Variants in USP34 observed in about 807,000 individuals in gnomAD.
USP34 encodes ubiquitin carboxyl-terminal hydrolase 34.
USP34 carries 70 observed loss-of-function variants against 460.3 expected under a neutral mutation model. The observed-to-expected ratio is 0.15, with a 90% CI of 0.13 to 0.19. USP34 has a LOEUF of 0.19. Among genes scored for constraint, USP34 ranks in the 10% least tolerant of loss-of-function variants. USP34 has a pLI of 1.00. For synonymous variants in USP34, 1,647 were observed against 1,405.3 expected (o/e 1.17, Z -3.85); for missense variants, 3,985 against 4,236.2 (o/e 0.94, Z 1.65).
At chr2:61,222,190 T>C (rs1687606803) in intron 65 of USP34, among the ~76,000 whole-genome samples, 1 of 152,216 alleles carries the variant, frequency 6.6e-6, no homozygotes, top group Non-Finnish European at 1.5e-5. Context: ...TGAGGGGTAA[T>C]TTATAGTAAT....
At chr2:61,210,704 A>G (rs1331830190) in intron 69 of USP34, among the ~76,000 whole-genome samples, 2 of 152,152 alleles carry the variant, frequency 1.3e-5, no homozygotes, top group South Asian at 4.1e-4. Flanking sequence ...AAGAAGAGTT[A>G]AGAAAGCTCC....
At chr2:61,437,817 A>C (rs571165593) in intron 1 of USP34, among the ~76,000 whole-genome samples, 1 of 149,782 alleles carries the variant, frequency 6.7e-6, no homozygotes, top group Non-Finnish European at 1.5e-5. Flanking sequence ...AAATAAATAA[A>C]AAACCTGAAC....
rs867813857 is a variant in USP34 at position 61,301,164 on chromosome 2, T to C, written c.3919-4A>G. Reference sequence around the variant, plus strand: ...CACCCAAAGATACAAATACCATCTATAAAAAACAGGAAAAAAAATTTATGC... The same window carrying C: ...CACCCAAAGATACAAATACCATCTACAAAAAACAGGAAAAAAAATTTATGC... On this transcript the variant is annotated splice_polypyrimidine_tract_variant and splice_region_variant and intron_variant, in intron 28 of 79. Coordinates refer to ENST00000398571, the MANE Select transcript of USP34 (RefSeq NM_014709.4). The C allele has an allele frequency of 6.3e-7, 1 of 1,581,554 alleles. No homozygotes were observed.
chr2:61,230,937 CTT>C (rs1215587688), intron 58 of USP34, among the ~76,000 whole-genome samples: 1 of 151,394 alleles, frequency 6.6e-6, no homozygotes, highest in Non-Finnish European at 1.5e-5. Flanking sequence ...CAAACAAAAA[CTT>C]GTACTAAAAG....
chr2:61,406,388 G>A (rs1431910100), intron 2 of USP34, among the ~76,000 whole-genome samples: 2 of 151,962 alleles, frequency 1.3e-5, no homozygotes, highest in Admixed American at 6.6e-5. Context: ...TCTACACATG[G>A]AACTATTTAA....
intron 48 of USP34, 105 bp from the exon 49 acceptor site, chr2:61,248,788 G>T: frequency 9.0e-7 from 1 of 1,109,740 alleles, no homozygotes; most frequent in African/African-American, 1.6e-5. Context: ...TCAGAGTTAA[G>T]AAGTATAGTA....
chr2:61,379,352 CTACTAAAAA>C (rs1692903725), intron 7 of USP34, among the ~76,000 whole-genome samples: 2 of 152,122 alleles, frequency 1.3e-5, no homozygotes, highest in African/African-American at 2.4e-5. Context: ...AAACCCATCT[CTACTAAAAA>C]TGCAAAAAAT....
At position 61,405,884 on chromosome 2, in the gene USP34, A is replaced by G; in HGVS notation, c.376T>C (p.Ser126Pro). The G allele has an allele frequency of 6.2e-7, 1 of 1,613,264 alleles. No individual in the cohort carries two copies. Among genetic ancestry groups the G allele is most frequent in the East Asian group, 2.2e-5 (1 of 44,806 alleles). Residue 126 changes from serine to proline, a missense_variant, in exon 3 of 80, where the codon TCA becomes CCA. This residue lies in a region of USP34 where 331 missense variants were observed against 293.7 expected (regional missense o/e 1.13). Transcript: ENST00000398571. The part of the protein sequence containing the change: ...TERQKSIEKK[S>P]NSTRICNLTE... ...AGATTACAAATTCTTGTAGAGTTTGATTTTTTTTCTATTGATTTTTGTCTT... is the reference window on the plus strand; with the variant it reads ...AGATTACAAATTCTTGTAGAGTTTGGTTTTTTTTCTATTGATTTTTGTCTT...
At chr2:61,314,554 C>T (rs1055673959) in intron 25 of USP34, 31 bp downstream of exon 25, 6 of 1,427,382 alleles carry the variant, frequency 4.2e-6, no homozygotes, top group African/African-American at 2.9e-5. Context: ...AAATGAAATT[C>T]ATTCTAACAG....
At chr2:61,221,054 C>T (rs997332672) in intron 66 of USP34, among the ~76,000 whole-genome samples, 4 of 152,186 alleles carry the variant, frequency 2.6e-5, no homozygotes, top group Non-Finnish European at 5.9e-5. Context: ...CTGTATGCCA[C>T]ACAAAGTCTA....
chr2:61,228,690 T>C lies in USP34; in HGVS notation c.7398A>G (p.Ile2466Met). The C allele has an allele frequency of 6.2e-7, 1 of 1,611,886 alleles. No homozygotes were observed. The highest frequency in any genetic ancestry group is 8.5e-7 in the Non-Finnish European group (1 of 1,179,272). ...ESQFLLSLQA[I>M]STMVHFYMGT... ...CCATGTAAAAATGTACCATTGTAGATATAGCTTGCAATGAAAGCAAAAATT... is the reference window on the plus strand; with the variant it reads ...CCATGTAAAAATGTACCATTGTAGACATAGCTTGCAATGAAAGCAAAAATT... Residue 2466 changes from isoleucine to methionine, a missense_variant, in exon 61 of 80, where the codon ATA becomes ATG. By Grantham distance (10) the Ile-to-Met change is conservative (BLOSUM62 1). Transcript: ENST00000398571.
At chr2:61,216,887 C>T (rs1558471185) in intron 67 of USP34, among the ~76,000 whole-genome samples, 1 of 150,468 alleles carries the variant, frequency 6.6e-6, no homozygotes, top group Non-Finnish European at 1.5e-5. Context: ...CACTACATCC[C>T]AGCCTGGGCG....
intron 5 of USP34, among the ~76,000 whole-genome samples, chr2:61,388,749 C>T (rs1260700932): frequency 7.2e-6 from 1 of 139,096 alleles, no homozygotes; most frequent in African/African-American, 2.8e-5. Flanking sequence ...GAGCAAGACT[C>T]CATCTCAGAA....
At position 61,204,169 on chromosome 2, in the gene USP34, A is replaced by G. The variant is rs547107078; in HGVS notation, c.9384+87T>C. 4 of 1,566,896 alleles carry G rather than the reference A, an allele frequency of 2.6e-6. No homozygotes were observed. The South Asian group carries it at 4.7e-5, about 18-fold the overall frequency. On this transcript the variant is annotated intron_variant, in intron 74 of 79. Transcript: ENST00000398571. The stretch of plus-strand genomic sequence containing the variant: ...TAGGATCCACAAAATTGGTCACTTA[A>G]GTCTAACCTATTCATAACTGCCAGG...
In USP34 at chr2:61,350,561, G is replaced by C. The variant is rs201388507; in HGVS notation, c.1377+7C>G. On this transcript the variant is annotated splice_region_variant and intron_variant, in intron 11 of 79. Transcript: ENST00000398571. ...AAAAAAAAACTATCATGTTTTGAAT[G>C]TATTACCTGTTCAGTATGAACACTT... 4 of 1,597,768 alleles carry C rather than the reference G, an allele frequency of 2.5e-6. No individual in the cohort carries two copies. In the African/African-American group the frequency reaches 4.1e-5, roughly 16 times the overall value.
rs577314106 is a variant in USP34, at chr2:61,193,365, T to TAAAAAAAAAA, written c.9509-395_9509-386dup. ...ACTGCAGGAGGGAGGAGGGGAAAGG[T>TAAAAAAAAAA]AAAAAAAAAAAAAAAAAAAAAAAAG... On this transcript the variant is annotated intron_variant, in intron 75 of 79. Coordinates refer to ENST00000398571, the MANE Select transcript of USP34 (RefSeq NM_014709.4). The TAAAAAAAAAA allele has an allele frequency of 2.5e-4, 24 of 97,240 alleles. 1 individual carries two copies. The highest frequency in any genetic ancestry group is 8.6e-4 in the African/African-American group (23 of 26,688). The allele number at this position is 97,240 out of a possible 1,614,324, so 6.0% of individuals were successfully genotyped here. A position where few individuals can be genotyped will look rare whatever the true frequency, so the allele number is the denominator to read the frequency against.
chr2:61,417,055 T>C (rs1435087228), intron 2 of USP34: 22 of 1,342,220 alleles, frequency 1.6e-5, no homozygotes, highest in Middle Eastern at 2.4e-4. Flanking sequence ...GCCGGGGAAC[T>C]TGAACTTGGC....
At chr2:61,301,515 A>C in intron 27 of USP34, 61 bp from the exon 28 acceptor site, 2 of 1,429,702 alleles carry the variant, frequency 1.4e-6, no homozygotes, top group Non-Finnish European at 2.0e-6. Flanking sequence ...CTTGCTGATA[A>C]GAATATGTAG....
In USP34 at chr2:61,470,659, A is replaced by C. The variant is rs750348388; in HGVS notation, c.34T>G (p.Leu12Val). ...TACCGCGGCTACTTACTTTCATTTA[A>C]CACCTCCACCAGGTCTGCGCAGTTC... ...CENCADLVEV[L>V]NEISDVEGGD... is the part of the protein sequence containing the mutation. The change falls in exon 1 of 80, where the codon TTA (leucine) becomes GTA (valine). Residue 12 changes from leucine to valine, a missense_variant. Around this residue, in one of 14 missense-constraint regions of USP34, gnomAD observed 331 missense variants for 293.7 expected, o/e 1.13. Coordinates refer to ENST00000398571, the MANE Select transcript of USP34 (RefSeq NM_014709.4). The C allele has an allele frequency of 3.1e-6, 5 of 1,595,058 alleles. No individual in the cohort carries two copies. In the East Asian group the frequency reaches 9.4e-5, roughly 30 times the overall value.
Sources: allele counts gnomAD v4.1 joint callset (sites outside exome capture counted in the v4.1 genomes callset), GRCh38; gene constraint gnomAD v4.1.1; regional missense constraint gnomAD v4.1.1; transcripts MANE v1.5; gene names NCBI Gene and HGNC (gene_info 2026-07-23, HGNC 2026-07-21).